SDK1: variants seen among roughly 807,000 people sequenced by gnomAD.
SDK1 encodes the protein sidekick cell adhesion molecule 1, also known as protein sidekick-1.
A neutral mutation model predicts 245.5 loss-of-function variants in SDK1; 157 were observed. The ratio of observed to expected loss-of-function variants is 0.64; its 90% confidence interval spans 0.56 to 0.73. The LOEUF is 0.73. Among genes scored for constraint, SDK1 ranks in the 30% least tolerant of loss-of-function variants. SDK1 has a pLI of 0.00. For synonymous variants in SDK1, 1,647 were observed against 1,278.5 expected, an observed-to-expected ratio of 1.29 and a Z score of -6.15; for missense variants, 3,583 against 3,002.3, an observed-to-expected ratio of 1.19 and a Z score of -4.52.
rs1778739001 is a variant in SDK1, at chr7:3,397,274, T to C, written c.298+95390T>C. ...AATTATATTGTATTTTATATTTACC[T>C]ATTTAATTGCCTTTATTGGTACTTT... On this transcript the variant is annotated intron_variant, in intron 1 of 44. Transcript: ENST00000404826. Among the ~76,000 whole-genome samples the C allele has an allele frequency of 2.0e-5, 3 of 152,000 alleles. No homozygotes were observed. The South Asian group carries it at 6.2e-4, about 31-fold the overall frequency.
intron 1 of SDK1, among the ~76,000 whole-genome samples, chr7:3,365,409 C>G (rs539001075): frequency 1.2e-4 from 18 of 152,236 alleles, no homozygotes; most frequent in Non-Finnish European, 2.2e-4. Flanking sequence ...CTTCAGAACT[C>G]TTTCAGTGGT....
intron 5 of SDK1, among the ~76,000 whole-genome samples, chr7:3,852,932 A>G (rs1780454961): frequency 6.6e-6 from 1 of 151,948 alleles, no homozygotes; most frequent in Non-Finnish European, 1.5e-5. Context: ...TGGGTGCAGA[A>G]TGTTACCTTA....
chr7:3,637,790 A>G (rs1282392000), intron 2 of SDK1, among the ~76,000 whole-genome samples: 1 of 152,256 alleles, frequency 6.6e-6, no homozygotes, highest in East Asian at 1.9e-4. Flanking sequence ...TAAAGTTAAC[A>G]TCAGGGAATA....
At chr7:3,409,525 C>T (rs554448945) in intron 1 of SDK1, among the ~76,000 whole-genome samples, 3 of 152,206 alleles carry the variant, frequency 2.0e-5, no homozygotes, top group Admixed American at 6.5e-5. Flanking sequence ...ACCGTTTTTC[C>T]GCAAATGTAC....
chr7:4,028,714 A>G (rs1382386186), intron 17 of SDK1, among the ~76,000 whole-genome samples: 2 of 152,236 alleles, frequency 1.3e-5, no homozygotes, highest in East Asian at 1.9e-4. Context: ...ACTGACTTCC[A>G]GTCAAGTATC....
intron 25 of SDK1, 72 bp from the exon 26 acceptor site, chr7:4,127,309 G>C: frequency 8.9e-7 from 1 of 1,124,948 alleles, no homozygotes; most frequent in Non-Finnish European, 1.4e-6. Context: ...TGATTATTTG[G>C]GTGAAAGCTG....
chr7:3,610,394 A>G (rs972644464), intron 1 of SDK1, among the ~76,000 whole-genome samples: 46 of 152,202 alleles, frequency 3.0e-4, no homozygotes, highest in African/African-American at 1.1e-3. Context: ...AATGTTGGTT[A>G]TTTCTGATAA....
At chr7:3,758,470 T>G (rs192668158) in intron 4 of SDK1, among the ~76,000 whole-genome samples, 57 of 152,336 alleles carry the variant, frequency 3.7e-4, no homozygotes, top group Middle Eastern at 6.8e-3. Context: ...GGTGCAAAAA[T>G]AATGGTAGTT....
chr7:3,580,979 A>AAAAAAAAC (rs1780463293), intron 1 of SDK1, among the ~76,000 whole-genome samples: 1 of 138,568 alleles, frequency 7.2e-6, no homozygotes, highest in South Asian at 2.6e-4. Flanking sequence ...AAAAAAAAAA[A>AAAAAAAAC]AAAAAAAAAA....
At chr7:3,913,085 A>G (rs1476729317) in intron 5 of SDK1, among the ~76,000 whole-genome samples, 6 of 152,132 alleles carry the variant, frequency 3.9e-5, no homozygotes, top group Non-Finnish European at 7.4e-5. Flanking sequence ...AGTTAAAATG[A>G]AGAAGGAGTT....
chr7:3,588,584 A>G lies in SDK1; in HGVS notation c.299-30496A>G, dbSNP rs549010249. On this transcript the variant is annotated intron_variant, in intron 1 of 44. Transcript: ENST00000404826. ...CGTTCCTAGATTCATTGTTGAGGTGATGAAAGTCTCTTCAGTCAGTGGCTT... is the reference window on the plus strand; with the variant it reads ...CGTTCCTAGATTCATTGTTGAGGTGGTGAAAGTCTCTTCAGTCAGTGGCTT... Among the ~76,000 whole-genome samples, 5 of 152,290 alleles carry G rather than the reference A, an allele frequency of 3.3e-5. No homozygotes were observed. The East Asian group carries it at 9.7e-4, about 29-fold the overall frequency.
At chr7:3,472,858 GA>G (rs1406489768) in intron 1 of SDK1, among the ~76,000 whole-genome samples, 1 of 152,202 alleles carries the variant, frequency 6.6e-6, no homozygotes, top group Admixed American at 6.5e-5. Flanking sequence ...ACCAGCATGA[GA>G]ACATGGGGTA....
intron 4 of SDK1, among the ~76,000 whole-genome samples, chr7:3,763,890 G>A (rs1386474117): frequency 3.3e-5 from 5 of 152,098 alleles, no homozygotes; most frequent in South Asian, 2.1e-4. Context: ...GTATGCATCC[G>A]TGTCCTATAA....
At chr7:3,944,756 G>A (rs1027906003) in intron 5 of SDK1, among the ~76,000 whole-genome samples, 1 of 152,164 alleles carries the variant, frequency 6.6e-6, no homozygotes, top group Non-Finnish European at 1.5e-5. Flanking sequence ...AGGAAGAGAC[G>A]TAGGTCCACA....
At chr7:4,091,334 C>CTTTTCTCTTTTT (rs1259034611) in intron 22 of SDK1, among the ~76,000 whole-genome samples, 1 of 108,260 alleles carries the variant, frequency 9.2e-6, no homozygotes, top group Non-Finnish European at 1.8e-5. Flanking sequence ...CTTTTCTTTT[C>CTTTTCTCTTTTT]TTTTTTTTTT....
chr7:4,181,440 GAC>G (rs1476112011), intron 35 of SDK1, among the ~76,000 whole-genome samples: 2 of 152,322 alleles, frequency 1.3e-5, no homozygotes, highest in African/African-American at 4.8e-5. Flanking sequence ...GCAGAGCTGA[GAC>G]AGCCCAGGTG....
chr7:3,882,027 G>A (rs983657736), intron 5 of SDK1, among the ~76,000 whole-genome samples: 2 of 152,100 alleles, frequency 1.3e-5, no homozygotes, highest in Admixed American at 6.6e-5. Flanking sequence ...AGCTGGGGAG[G>A]CCTCACAATC....
intron 5 of SDK1, among the ~76,000 whole-genome samples, chr7:3,822,893 C>G (rs1001292751): frequency 2.6e-5 from 4 of 152,028 alleles, no homozygotes; most frequent in South Asian, 4.1e-4. Flanking sequence ...TTGTAGCAAA[C>G]TCTGGGTGCA....
intron 1 of SDK1, among the ~76,000 whole-genome samples, chr7:3,417,646 T>C (rs1456890759): frequency 6.6e-6 from 1 of 152,214 alleles, no homozygotes; most frequent in Non-Finnish European, 1.5e-5. Flanking sequence ...TAATCAAATA[T>C]TTATGCTATG....
Sources: allele counts gnomAD v4.1 joint callset (sites outside exome capture counted in the v4.1 genomes callset), GRCh38; gene constraint gnomAD v4.1.1; transcripts MANE v1.5; gene names NCBI Gene and HGNC (gene_info 2026-07-23, HGNC 2026-07-21).